Variants in ACAT1 observed in about 807,000 individuals in gnomAD.
ACAT1 encodes the protein acetyl-CoA acetyltransferase 1.
ACAT1 carries 28 observed loss-of-function variants against 47.3 expected under a neutral mutation model. That is an observed-to-expected ratio of 0.59 (90% CI 0.44 to 0.81). The LOEUF (loss-of-function observed/expected upper bound fraction) is 0.81, where lower values mean the gene tolerates loss of function less well. ACAT1 is among the 30% of genes least tolerant of loss of function. The pLI is 0.00. For missense variants in ACAT1, 469 were observed against 524.3 expected (o/e 0.89, Z 1.03); for synonymous variants, 181 against 173.6 (o/e 1.04, Z -0.34).
chr11:108,137,448 G>A (rs2077489376), intron 5 of ACAT1, among the ~76,000 whole-genome samples: 1 of 152,190 alleles, frequency 6.6e-6, no homozygotes, highest in African/African-American at 2.4e-5. Context: ...TAGCCAAAAT[G>A]AGTCAGATGA....
intron 2 of ACAT1, among the ~76,000 whole-genome samples, chr11:108,133,182 C>G (rs2077396608): frequency 6.6e-6 from 1 of 152,040 alleles, no homozygotes; most frequent in South Asian, 2.1e-4. Context: ...GAGACTCCAT[C>G]TCAAATTACA....
chr11:108,146,172 G>T, intron 10 of ACAT1, 30 bp from the exon 11 acceptor site: 1 of 1,545,506 alleles, frequency 6.5e-7, no homozygotes, highest in South Asian at 1.1e-5. Flanking sequence ...CTAATTATTT[G>T]AACATCATCT....
chr11:108,119,208 T>C (rs1408674736), upstream of ACAT1, among the ~76,000 whole-genome samples: 3 of 152,188 alleles, frequency 2.0e-5, no homozygotes, highest in East Asian at 1.9e-4. Flanking sequence ...TCTTTTTTTT[T>C]TTCTTCTTTT....
At chr11:108,126,879 A>G (rs1490294098) in intron 1 of ACAT1, among the ~76,000 whole-genome samples, 1 of 132,942 alleles carries the variant, frequency 7.5e-6, no homozygotes, top group Non-Finnish European at 1.5e-5. Flanking sequence ...TGCAACCTCC[A>G]CCTCCCGGGT....
chr11:108,141,508 C>T, intron 7 of ACAT1, 97 bp from the exon 8 acceptor site: 2 of 830,688 alleles, frequency 2.4e-6, no homozygotes, highest in Non-Finnish European at 4.0e-6. Flanking sequence ...AGCAGGGATA[C>T]AAAGGGAGGC....
intron 1 of ACAT1, among the ~76,000 whole-genome samples, chr11:108,128,155 T>G (rs2077287519): frequency 6.6e-6 from 1 of 152,238 alleles, no homozygotes; most frequent in South Asian, 2.1e-4. Context: ...ACACAGACAT[T>G]GCTGATGTTG....
chr11:108,139,121 C>T, intron 6 of ACAT1, 80 bp downstream of exon 6: 1 of 1,556,156 alleles, frequency 6.4e-7, no homozygotes. Context: ...ACTTTACAAA[C>T]TGAACTGAAA....
At chr11:108,135,006 T>A in intron 4 of ACAT1, 136 bp from the exon 5 acceptor site, 2 of 597,998 alleles carry the variant, frequency 3.3e-6, no homozygotes, top group South Asian at 2.0e-5. Flanking sequence ...TAAGCTTAAA[T>A]GAAATATTAA....
chr11:108,141,543 A>G, intron 7 of ACAT1, 62 bp from the exon 8 acceptor site: 1 of 1,274,712 alleles, frequency 7.8e-7, no homozygotes, highest in South Asian at 1.2e-5. Context: ...ATCTTGTACA[A>G]CAGTTGCTTG....
At chr11:108,130,897 C>T (rs970218873) in intron 1 of ACAT1, among the ~76,000 whole-genome samples, 19 of 152,064 alleles carry the variant, frequency 1.2e-4, no homozygotes, top group African/African-American at 4.6e-4. Flanking sequence ...TTACAGGTGC[C>T]CGCTACCACG....
chr11:108,136,291 T>C (rs1197146716), intron 5 of ACAT1: 1 of 411,950 alleles, frequency 2.4e-6, no homozygotes, highest in Non-Finnish European at 4.3e-6. Context: ...TAAAAAAATC[T>C]GTACATGTGC....
At chr11:108,124,467 T>C (rs138788564) in intron 1 of ACAT1, among the ~76,000 whole-genome samples, 125 of 152,222 alleles carry the variant, frequency 8.2e-4, no homozygotes, top group African/African-American at 2.8e-3. Context: ...TTCACCATGT[T>C]GGTCAGGATG....
intron 1 of ACAT1, among the ~76,000 whole-genome samples, chr11:108,129,367 G>A (rs998869427): frequency 1.6e-4 from 24 of 151,900 alleles, no homozygotes; most frequent in Non-Finnish European, 2.1e-4. Context: ...TGTCTTTTTC[G>A]TGTAACGACT....
At position 108,131,894 on chromosome 11, in the gene ACAT1, A is replaced by G. The variant is rs1335784650; in HGVS notation, c.73-13A>G. On this transcript the variant is annotated splice_polypyrimidine_tract_variant and intron_variant, in intron 1 of 11. Transcript: ENST00000265838. ...TTTTTTACATTATAACATTATAAAT[A>G]TTTATATTACAGGAAATAAGATATG... is the stretch of plus-strand genomic sequence containing the variant. 3.2e-6 allele frequency: 4 copies of G among 1,231,922 alleles called. No homozygotes were observed. Among genetic ancestry groups the G allele is most frequent in the East Asian group, 2.4e-5 (1 of 41,292 alleles). The allele number at this position is 1,231,922 out of a possible 1,614,324, so 76.3% of individuals were successfully genotyped here.
At chr11:108,144,921 A>G (rs1018596179) in intron 10 of ACAT1, among the ~76,000 whole-genome samples, 2 of 152,350 alleles carry the variant, frequency 1.3e-5, no homozygotes, top group East Asian at 1.9e-4. Context: ...AGACATAGCT[A>G]TATATGGGTA....
intron 1 of ACAT1, among the ~76,000 whole-genome samples, chr11:108,124,051 G>T (rs1316786801): frequency 2.0e-5 from 3 of 152,144 alleles, no homozygotes; most frequent in Non-Finnish European, 2.9e-5. Flanking sequence ...TTCTGGCTGG[G>T]TGTAGCCACT....
intron 11 of ACAT1, 84 bp downstream of exon 11, chr11:108,146,443 T>G: frequency 6.6e-7 from 1 of 1,509,534 alleles, no homozygotes; most frequent in Non-Finnish European, 9.1e-7. Flanking sequence ...TAATTCCCAT[T>G]GCTCTTAAGT....
intron 1 of ACAT1, among the ~76,000 whole-genome samples, chr11:108,122,479 T>C (rs540482739): frequency 1.3e-5 from 2 of 152,346 alleles, no homozygotes; most frequent in African/African-American, 4.8e-5. Context: ...TCCAGTTATG[T>C]TGTGAGTATG....
chr11:108,146,805 G>C (rs2077720623), intron 11 of ACAT1, among the ~76,000 whole-genome samples: 1 of 152,194 alleles, frequency 6.6e-6, no homozygotes, highest in African/African-American at 2.4e-5. Context: ...GACCTGGCCA[G>C]GCACGGTGGC....
Sources: allele counts gnomAD v4.1 joint callset (sites outside exome capture counted in the v4.1 genomes callset), GRCh38; gene constraint gnomAD v4.1.1; transcripts MANE v1.5; gene names NCBI Gene and HGNC (gene_info 2026-07-23, HGNC 2026-07-21).